The following SDK1 variants were observed in gnomAD, a reference collection of about 807,000 sequenced individuals.
SDK1 encodes the protein sidekick cell adhesion molecule 1.
Under a neutral mutation model 245.5 loss-of-function variants are expected in SDK1, and 157 were observed. The ratio of observed to expected loss-of-function variants is 0.64; its 90% confidence interval spans 0.56 to 0.73. The LOEUF (loss-of-function observed/expected upper bound fraction) is 0.73. Among genes scored for constraint, SDK1 ranks in the 30% least tolerant of loss-of-function variants. SDK1 has a pLI of 0.00. For missense variants in SDK1, 3,583 were observed against 3,002.3 expected (o/e 1.19, Z -4.52); for synonymous variants, 1,647 against 1,278.5 (o/e 1.29, Z -6.15).
intron 4 of SDK1, among the ~76,000 whole-genome samples, chr7:3,694,092 A>G (rs1345025426): frequency 1.3e-5 from 2 of 152,174 alleles, no homozygotes; most frequent in East Asian, 1.9e-4. Context: ...GTCTTGCCCA[A>G]AAGTGTGCCC....
chr7:3,394,245 C>T (rs778141299), intron 1 of SDK1, among the ~76,000 whole-genome samples: 24 of 152,244 alleles, frequency 1.6e-4, no homozygotes, highest in Non-Finnish European at 2.6e-4. Context: ...CTAAGATCAT[C>T]TTTTTGCATG....
At chr7:3,689,491 C>T (rs1784383924) in intron 4 of SDK1, among the ~76,000 whole-genome samples, 1 of 152,212 alleles carries the variant, frequency 6.6e-6, no homozygotes, top group African/African-American at 2.4e-5. Context: ...TGTACTGGCT[C>T]TGGATTCCCT....
chr7:3,451,257 C>G (rs908789139), intron 1 of SDK1, among the ~76,000 whole-genome samples: 2 of 151,568 alleles, frequency 1.3e-5, no homozygotes, highest in Non-Finnish European at 2.9e-5. Context: ...TTCCAAGAGA[C>G]AAGCCCGGAG....
Position 3,575,870 on chromosome 7 carries a change from GC to G in SDK1, c.299-43209del, listed in dbSNP as rs914207320. Reference sequence around the variant, plus strand: ...CTATTATTTATTTTTTATTAAAGGTGCAAGTTCCAGAGTGAGGCTCATGAAT... The same window carrying G: ...CTATTATTTATTTTTTATTAAAGGTGAAGTTCCAGAGTGAGGCTCATGAAT... On this transcript the variant is annotated intron_variant, in intron 1 of 44. Transcript: ENST00000404826. Among the ~76,000 whole-genome samples the G allele has an allele frequency of 3.3e-5, 5 of 151,988 alleles. 1 individual carries two copies. The highest frequency in any genetic ancestry group is 7.4e-5 in the Non-Finnish European group (5 of 67,934).
intron 17 of SDK1, among the ~76,000 whole-genome samples, chr7:4,020,221 A>G (rs1402127403): frequency 6.6e-6 from 1 of 152,028 alleles, no homozygotes; most frequent in Non-Finnish European, 1.5e-5. Flanking sequence ...GTGTTAGGAC[A>G]CTATCCCTTG....
In SDK1 at chr7:3,936,246, A is replaced by T. The variant is rs78033324; in HGVS notation, c.848-14677A>T. ...AGGGGCTGGGGAGGAGGAAGTGGGG[A>T]GTGAGTGTTTAATGGGGTGCAGAGT... is the stretch of plus-strand genomic sequence containing the variant. On this transcript the variant is annotated intron_variant, in intron 5 of 44. Transcript: ENST00000404826. Among the ~76,000 whole-genome samples the T allele has an allele frequency of 5.2e-3, 795 of 152,028 alleles. 7 individuals are homozygous for T. The highest frequency in any genetic ancestry group is 0.018 in the African/African-American group (742 of 41,470).
intron 39 of SDK1, among the ~76,000 whole-genome samples, chr7:4,220,876 G>A (rs1336181132): frequency 2.6e-5 from 4 of 151,194 alleles, no homozygotes; most frequent in Admixed American, 6.6e-5. Flanking sequence ...CGGCTGAAGC[G>A]ATACCCCCAC....
chr7:4,017,030 G>A, intron 16 of SDK1, 141 bp from the exon 17 acceptor site: 2 of 698,872 alleles, frequency 2.9e-6, no homozygotes, highest in Middle Eastern at 8.8e-4. Context: ...TTGGGAAATA[G>A]TATTGTTTAG....
intron 1 of SDK1, among the ~76,000 whole-genome samples, chr7:3,357,477 G>A (rs1051850269): frequency 2.0e-5 from 3 of 149,752 alleles, no homozygotes; most frequent in African/African-American, 4.9e-5. Context: ...CAGTCTCCCT[G>A]GCATCTGGGT....
chr7:3,781,042 A>C (rs995649636), intron 4 of SDK1, among the ~76,000 whole-genome samples: 3 of 152,040 alleles, frequency 2.0e-5, no homozygotes, highest in African/African-American at 7.2e-5. Flanking sequence ...CAGGAGGTCA[A>C]ACAGTCACTC....
intron 4 of SDK1, among the ~76,000 whole-genome samples, chr7:3,675,820 C>T (rs899060268): frequency 4.6e-5 from 7 of 152,102 alleles, no homozygotes; most frequent in South Asian, 2.1e-4. Flanking sequence ...TGCCATGCCC[C>T]GTATGTCTTC....
At chr7:4,146,658 T>C (rs1430493116) in intron 29 of SDK1, among the ~76,000 whole-genome samples, 1 of 152,240 alleles carries the variant, frequency 6.6e-6, no homozygotes, top group African/African-American at 2.4e-5. Flanking sequence ...CAGTCTCTGA[T>C]GTTAAACCCA....
chr7:3,847,149 A>G (rs1275135547), intron 5 of SDK1, among the ~76,000 whole-genome samples: 1 of 151,828 alleles, frequency 6.6e-6, no homozygotes, highest in Non-Finnish European at 1.5e-5. Context: ...CGTACACCTG[A>G]AACCTCCAAA....
At position 3,887,114 on chromosome 7, in the gene SDK1, C is replaced by T. The variant is rs183222253; in HGVS notation, c.848-63809C>T. Among the ~76,000 whole-genome samples, 217 of 152,190 alleles carry T rather than the reference C, an allele frequency of 1.4e-3. 1 individual carries two copies. Among genetic ancestry groups the T allele is most frequent in the Non-Finnish European group, 1.3e-3 (87 of 68,020 alleles). On this transcript the variant is annotated intron_variant, in intron 5 of 44. Coordinates refer to ENST00000404826, the MANE Select transcript of SDK1 (RefSeq NM_152744.4). ...CGGTAATCTCAGTGGTTTGACACAG[C>T]CTGGGTTCATTTCTCACCTATACAG...
rs138778072 is a variant in SDK1, at chr7:3,430,907, C to T, written c.298+129023C>T. 6.6e-4 allele frequency among the ~76,000 whole-genome samples: 101 copies of T among 151,976 alleles called. 1 individual carries two copies. The highest frequency in any genetic ancestry group is 4.0e-3 in the Admixed American group (61 of 15,260). ...TCTCTGTCTTTTACCTTTTTTTGTT[C>T]GTTTGTGTTTTGAGATGGAATCTCG... On this transcript the variant is annotated intron_variant, in intron 1 of 44. Transcript: ENST00000404826.
intron 4 of SDK1, among the ~76,000 whole-genome samples, chr7:3,655,495 A>ATG (rs1562634419): frequency 8.9e-5 from 6 of 67,566 alleles, no homozygotes; most frequent in East Asian, 6.6e-4. Flanking sequence ...ATATATATAT[A>ATG]TATATATATG....
At chr7:3,923,311 A>G (rs916080282) in intron 5 of SDK1, among the ~76,000 whole-genome samples, 1 of 152,148 alleles carries the variant, frequency 6.6e-6, no homozygotes, top group East Asian at 1.9e-4. Context: ...TATCAGGGCT[A>G]CTTCACTTTT....
At chr7:3,525,207 G>C (rs545209573) in intron 1 of SDK1, among the ~76,000 whole-genome samples, 3 of 151,976 alleles carry the variant, frequency 2.0e-5, no homozygotes, top group Non-Finnish European at 4.4e-5. Context: ...GGTGGGCCCT[G>C]GAACCAATGC....
intron 1 of SDK1, among the ~76,000 whole-genome samples, chr7:3,586,891 G>T (rs1472909793): frequency 6.6e-6 from 1 of 152,170 alleles, no homozygotes; most frequent in African/African-American, 2.4e-5. Flanking sequence ...TGGAGCTGTT[G>T]TGAGAGCCAG....
Sources: gnomAD v4.1 joint callset for allele counts (sites outside exome capture counted in the v4.1 genomes callset) on GRCh38, gnomAD v4.1.1 for gene constraint, MANE v1.5 for transcripts, NCBI Gene and HGNC (gene_info 2026-07-23, HGNC 2026-07-21) for gene names.